Variants in MSRA observed in about 807,000 individuals in gnomAD.
MSRA encodes the protein methionine sulfoxide reductase A.
In MSRA, 54 loss-of-function variants were observed where a neutral mutation model predicts 31.3. The ratio of observed to expected loss-of-function variants is 1.73; its 90% CI spans 1.39 to 2.17. The LOEUF (loss-of-function observed/expected upper bound fraction) is 2.17. Among genes scored for constraint, MSRA ranks in the 30% most tolerant of loss-of-function variants. The pLI is 0.00. For missense variants in MSRA, 507 were observed against 300.9 expected, an observed-to-expected ratio of 1.69 and a Z score of -5.07; for synonymous variants, 169 against 116.5, an observed-to-expected ratio of 1.45 and a Z score of -2.90.
chr8:10,096,719 A>C (rs1348198799), intron 1 of MSRA, among the ~76,000 whole-genome samples: 1 of 152,196 alleles, frequency 6.6e-6, no homozygotes, highest in Non-Finnish European at 1.5e-5. Flanking sequence ...TTTCTGAACA[A>C]TGAATCTTTC....
chr8:10,176,285 C>T (rs989252464), intron 1 of MSRA, among the ~76,000 whole-genome samples: 4 of 152,120 alleles, frequency 2.6e-5, no homozygotes, highest in Non-Finnish European at 4.4e-5. Flanking sequence ...AAATCAGAAG[C>T]ATTTGTTCAT....
intron 1 of MSRA, among the ~76,000 whole-genome samples, chr8:10,092,642 C>CAA (rs35804227): frequency 1.5e-3 from 223 of 145,624 alleles, no homozygotes; most frequent in Admixed American, 2.8e-3. Flanking sequence ...GATTCTGTCT[C>CAA]AAAAAAAAAA....
In MSRA at chr8:10,219,667, G is replaced by A. The variant is rs573935029; in HGVS notation, c.211+11766G>A. 4.9e-3 allele frequency among the ~76,000 whole-genome samples: 742 copies of A among 151,826 alleles called. 6 individuals are homozygous for A. The highest frequency in any genetic ancestry group is 9.9e-3 in the African/African-American group (409 of 41,428). ...TAAAAATACAAAAAATTAGCTGGGC[G>A]TGGCGGCGGACGCCTGTAGTCCCAG... On this transcript the variant is annotated intron_variant, in intron 2 of 5. Transcript: ENST00000317173.
intron 2 of MSRA, among the ~76,000 whole-genome samples, chr8:10,222,438 CAG>C (rs140421236): frequency 0.14 from 20,577 of 152,002 alleles, 1,548 homozygotes; most frequent in East Asian, 0.29. Flanking sequence ...TTATGGAAAA[CAG>C]TGTGGAGGTT....
At chr8:10,384,464 C>G (rs1219955587) in intron 5 of MSRA, among the ~76,000 whole-genome samples, 1 of 152,236 alleles carries the variant, frequency 6.6e-6, no homozygotes, top group Non-Finnish European at 1.5e-5. Flanking sequence ...ATGTCTTTCT[C>G]TCTCCTGGTG....
chr8:10,337,814 A>G, intron 5 of MSRA: 1 of 702,560 alleles, frequency 1.4e-6, no homozygotes, highest in South Asian at 1.5e-5. Flanking sequence ...TTAAAGCAAT[A>G]TTATTAGTAT....
At chr8:10,243,310 G>A (rs370127395) in intron 2 of MSRA, among the ~76,000 whole-genome samples, 1 of 152,132 alleles carries the variant, frequency 6.6e-6, no homozygotes, top group Non-Finnish European at 1.5e-5. Flanking sequence ...TGGAGCTCTC[G>A]TGGTCATTTA....
intron 1 of MSRA, among the ~76,000 whole-genome samples, chr8:10,087,668 C>G (rs574658273): frequency 6.6e-6 from 1 of 152,148 alleles, no homozygotes; most frequent in Non-Finnish European, 1.5e-5. Flanking sequence ...TTGCCTGTCT[C>G]AGTGTTCAAT....
chr8:10,242,232 C>G (rs1329777110), intron 2 of MSRA, among the ~76,000 whole-genome samples: 1 of 150,362 alleles, frequency 6.7e-6, no homozygotes. Context: ...GATTGCGCCA[C>G]TGAACTCCAG....
intron 1 of MSRA, among the ~76,000 whole-genome samples, chr8:10,197,009 TC>T (rs902797213): frequency 4.6e-5 from 7 of 152,244 alleles, no homozygotes; most frequent in African/African-American, 1.7e-4. Flanking sequence ...TAAAACAAAT[TC>T]CTTTTGGTCT....
chr8:10,375,571 C>T lies in MSRA; in HGVS notation c.544-52577C>T, dbSNP rs527548350. 4.6e-5 allele frequency among the ~76,000 whole-genome samples: 7 copies of T among 152,270 alleles called. No homozygotes were observed. The South Asian group carries it at 1.2e-3, about 27-fold the overall frequency. The stretch of plus-strand genomic sequence containing the variant: ...AATAGCTATCAACCTGTCAACCAGC[C>T]AGGGAGTCAAGGATTCGAGGGAGAT... On this transcript the variant is annotated intron_variant, in intron 5 of 5. Coordinates refer to ENST00000317173, the MANE Select transcript of MSRA (RefSeq NM_012331.5).
intron 1 of MSRA, among the ~76,000 whole-genome samples, chr8:10,162,910 A>G (rs144365548): frequency 9.9e-5 from 15 of 152,234 alleles, no homozygotes; most frequent in South Asian, 2.1e-4. Flanking sequence ...ACGGAATATC[A>G]TGGGGCCTCC....
At chr8:10,265,277 G>T (rs922123952) in intron 3 of MSRA, among the ~76,000 whole-genome samples, 1 of 152,162 alleles carries the variant, frequency 6.6e-6, no homozygotes, top group Admixed American at 6.5e-5. Flanking sequence ...CCAGCCTGGA[G>T]CAGACATGGA....
At chr8:10,269,087 G>A (rs997723711) in intron 3 of MSRA, among the ~76,000 whole-genome samples, 1 of 152,252 alleles carries the variant, frequency 6.6e-6, no homozygotes, top group African/African-American at 2.4e-5. Context: ...TTTATTGGCA[G>A]TTGAAAATAG....
chr8:10,150,563 T>C (rs181979632), intron 1 of MSRA, among the ~76,000 whole-genome samples: 1 of 152,204 alleles, frequency 6.6e-6, no homozygotes, highest in Admixed American at 6.5e-5. Context: ...TGCCAATTAA[T>C]GTGTTAATAT....
At chr8:10,357,806 G>C (rs1055061894) in intron 5 of MSRA, among the ~76,000 whole-genome samples, 3 of 152,108 alleles carry the variant, frequency 2.0e-5, no homozygotes, top group African/African-American at 7.2e-5. Flanking sequence ...GGGAGGGAGG[G>C]GTGTTATCAA....
At chr8:10,358,561 G>C (rs1252952897) in intron 5 of MSRA, among the ~76,000 whole-genome samples, 1 of 98,712 alleles carries the variant, frequency 1.0e-5, no homozygotes, top group Non-Finnish European at 1.8e-5. Flanking sequence ...GGCAGCATTA[G>C]ATTCTTTTTT....
At chr8:10,333,071 G>C (rs1018362312) in intron 5 of MSRA, among the ~76,000 whole-genome samples, 19 of 94,612 alleles carry the variant, frequency 2.0e-4, no homozygotes, top group African/African-American at 7.8e-4. Context: ...CAGCATTCTT[G>C]TGAGGATCAA....
At chr8:10,150,217 C>G (rs1296407495) in intron 1 of MSRA, among the ~76,000 whole-genome samples, 1 of 152,082 alleles carries the variant, frequency 6.6e-6, no homozygotes, top group Non-Finnish European at 1.5e-5. Context: ...ATTCTCGGCT[C>G]TTTTCAAATT....
Sources: gnomAD v4.1 joint callset for allele counts (sites outside exome capture counted in the v4.1 genomes callset) on GRCh38, gnomAD v4.1.1 for gene constraint, MANE v1.5 for transcripts, NCBI Gene and HGNC (gene_info 2026-07-23, HGNC 2026-07-21) for gene names.